The following INSR variants were observed in gnomAD, a reference collection of about 807,000 sequenced individuals.
INSR encodes IR.
In INSR, 67 loss-of-function variants were observed where a neutral mutation model predicts 142.6. That is an observed-to-expected ratio of 0.47 (90% confidence interval 0.39 to 0.58). The LOEUF (loss-of-function observed/expected upper bound fraction) is 0.58, where lower values mean the gene tolerates loss of function less well. INSR is among the 20% of genes least tolerant of loss of function. The pLI is 0.00. For synonymous variants in INSR, 756 were observed against 743.1 expected (o/e 1.02, Z -0.28); for missense variants, 1,248 against 1,833.2 (o/e 0.68, Z 5.83).
Position 7,152,887 on chromosome 19 carries a change from C to A in INSR, c.2070G>T (p.Glu690Asp). The part of the protein sequence containing the change: ...LPSRTWSPPF[E>D]SEDSQKHNQS... ...GGTTGTGCTTCTGAGAATCTTCAGA[C>A]TCGAATGGTGGAGACCAGGTCCTCG... Residue 690 changes from glutamate (E) to aspartate (D), a missense_variant, in exon 10 of 22, where the codon GAG becomes GAT. Physicochemically the swap from Glu to Asp is conservative, Grantham distance 45. Coordinates refer to ENST00000302850, the MANE Select transcript of INSR (RefSeq NM_000208.4). 1.2e-6 allele frequency: 2 copies of A among 1,612,850 alleles called. No individual in the cohort carries two copies. The highest frequency in any genetic ancestry group is 1.7e-6 in the Non-Finnish European group (2 of 1,179,884).
chr19:7,259,173 CTCCT>C (rs1374920714), intron 2 of INSR, among the ~76,000 whole-genome samples: 24 of 119,172 alleles, frequency 2.0e-4, no homozygotes, highest in African/African-American at 7.3e-4. Context: ...TCTTTCTTCC[CTCCT>C]TCCTTCCTTC....
chr19:7,217,653 A>G (rs1165047794), intron 2 of INSR, among the ~76,000 whole-genome samples: 6 of 152,078 alleles, frequency 3.9e-5, no homozygotes, highest in Non-Finnish European at 8.8e-5. Flanking sequence ...TCCGCCTCCC[A>G]GGTTCATGCC....
At chr19:7,123,948 G>T (rs753983082) in intron 17 of INSR, among the ~76,000 whole-genome samples, 3 of 152,044 alleles carry the variant, frequency 2.0e-5, no homozygotes, top group African/African-American at 4.8e-5. Context: ...TAGGCTGGGC[G>T]TGGTGGCTCA....
intron 1 of INSR, among the ~76,000 whole-genome samples, chr19:7,293,140 T>G (rs1968541557): frequency 6.6e-6 from 1 of 151,966 alleles, no homozygotes; most frequent in South Asian, 2.1e-4. Context: ...CCAATTACAA[T>G]AAATAGGGTA....
At chr19:7,201,122 T>A (rs1416251222) in intron 2 of INSR, among the ~76,000 whole-genome samples, 1 of 152,122 alleles carries the variant, frequency 6.6e-6, no homozygotes, top group Non-Finnish European at 1.5e-5. Context: ...TTTCCTGCAT[T>A]TTGAGTCCAT....
intron 1 of INSR, among the ~76,000 whole-genome samples, chr19:7,285,176 C>T (rs1489440724): frequency 2.6e-5 from 4 of 151,882 alleles, no homozygotes; most frequent in African/African-American, 7.3e-5. Flanking sequence ...TTAGGCCGGG[C>T]ACAGTGGCTC....
intron 21 of INSR, among the ~76,000 whole-genome samples, chr19:7,117,731 C>T (rs1972372060): frequency 6.6e-6 from 1 of 152,076 alleles, no homozygotes; most frequent in Admixed American, 6.6e-5. Context: ...CTTGGCCTCC[C>T]AAGTAGCTGG....
intron 2 of INSR, among the ~76,000 whole-genome samples, chr19:7,261,431 G>A (rs1189591906): frequency 2.0e-5 from 3 of 152,122 alleles, no homozygotes; most frequent in South Asian, 2.1e-4. Flanking sequence ...TGGTATCTTT[G>A]CCCCAAATCC....
chr19:7,131,852 A>T (rs1222287312), intron 14 of INSR, among the ~76,000 whole-genome samples: 1 of 151,432 alleles, frequency 6.6e-6, no homozygotes, highest in Non-Finnish European at 1.5e-5. Flanking sequence ...TACAAGAATT[A>T]GCCGGGCGTG....
At chr19:7,277,558 G>A (rs1238341752) in intron 1 of INSR, among the ~76,000 whole-genome samples, 1 of 152,180 alleles carries the variant, frequency 6.6e-6, no homozygotes, top group African/African-American at 2.4e-5. Context: ...AACATATTGG[G>A]AGGCATAGGC....
intron 1 of INSR, among the ~76,000 whole-genome samples, chr19:7,284,104 G>C (rs1968279938): frequency 6.6e-6 from 1 of 151,790 alleles, no homozygotes; most frequent in Admixed American, 6.6e-5. Context: ...TCACTCTGTT[G>C]CCCAGGCTGG....
At chr19:7,127,993 C>T (rs570343592) in intron 15 of INSR, among the ~76,000 whole-genome samples, 11 of 152,020 alleles carry the variant, frequency 7.2e-5, no homozygotes, top group African/African-American at 1.9e-4. Flanking sequence ...CCGCCCGCCT[C>T]GGCCTCCCAA....
intron 13 of INSR, 24 bp from the exon 14 acceptor site, chr19:7,132,341 G>C (rs375853001): frequency 3.6e-5 from 58 of 1,611,702 alleles, no homozygotes; most frequent in Non-Finnish European, 4.7e-5. Context: ...AGGAGGAGAA[G>C]GAGGGTGGCT....
At position 7,174,726 on chromosome 19, in the gene INSR, A is replaced by T; in HGVS notation, c.980T>A (p.Leu327Gln). Residue 327 changes from leucine to glutamine, a missense_variant, in exon 4 of 22, where the codon CTG becomes CAG. Transcript: ENST00000302850. ...ACAGGGACCCAGGCATGGGGTGCAC[A>T]GCAAGCTAAGGACGGAGCAGAGAGA... ...SGYTMNSSNL[L>Q]CTPCLGPCPK... 3 of 1,613,720 alleles carry T rather than the reference A, an allele frequency of 1.9e-6. No homozygotes were observed. The highest frequency in any genetic ancestry group is 2.2e-5 in the South Asian group (2 of 91,072).
Position 7,116,991 on chromosome 19 carries a change from A to T in INSR, c.*65T>A. On this transcript the variant is annotated 3_prime_UTR_variant, in exon 22 of 22. Coordinates refer to ENST00000302850, the MANE Select transcript of INSR (RefSeq NM_000208.4). ...GTCGTGAGAATCCTGAGTTTTCCAG[A>T]GGCTTTCAAACCAGAGGAAAGCGAA... is the stretch of plus-strand genomic sequence containing the variant. The T allele has an allele frequency of 8.3e-7, 1 of 1,208,100 alleles. No homozygotes were observed. Among genetic ancestry groups the T allele is most frequent in the Non-Finnish European group, 1.2e-6 (1 of 809,602 alleles). The allele number at this position is 1,208,100 out of a possible 1,614,324, so 74.8% of individuals were successfully genotyped here. A position where few individuals can be genotyped will look rare whatever the true frequency, so the allele number is the denominator to read the frequency against.
chr19:7,176,688 C>T (rs774794915), intron 3 of INSR, among the ~76,000 whole-genome samples: 6 of 152,136 alleles, frequency 3.9e-5, no homozygotes, highest in East Asian at 1.9e-4. Context: ...CTTTGCTTTC[C>T]GCCACGATTG....
Position 7,124,540 on chromosome 19 carries a change from GGAAAAAAAAAAAAAAAAAAAA to G in INSR, c.3258+722_3258+742del, listed in dbSNP as rs1972577452. ...CACAACAAAGCGAGACTCCGTTTCA[GGAAAAAAAAAAAAAAAAAAAA>G]AAAAAAAAAAAAAAAAAAAAAAAAA... On this transcript the variant is annotated intron_variant, in intron 17 of 21. Transcript: ENST00000302850. Among the ~76,000 whole-genome samples, 32 of 10,810 alleles carry G rather than the reference GGAAAAAAAAAAAAAAAAAAAA, an allele frequency of 3.0e-3. 4 individuals carry two copies. Among genetic ancestry groups the G allele is most frequent in the East Asian group, 9.3e-3 (2 of 214 alleles). The allele number at this position is 10,810 out of a possible 152,430, so 7.1% of individuals were successfully genotyped here.
intron 10 of INSR, chr19:7,152,378 CAAA>C (rs375635473): frequency 0.63 from 188,740 of 298,856 alleles, 50,251 homozygotes; most frequent in Non-Finnish European, 0.69. Flanking sequence ...GAGACTCTGT[CAAA>C]AAAAAAAAAA....
intron 6 of INSR, among the ~76,000 whole-genome samples, chr19:7,170,072 G>C (rs3859489): frequency 0.28 from 42,181 of 151,974 alleles, 7,972 homozygotes; most frequent in African/African-American, 0.53. Flanking sequence ...CTGTACAGCA[G>C]GAGGTGAGTG....
Sources: allele counts gnomAD v4.1 joint callset (sites outside exome capture counted in the v4.1 genomes callset), GRCh38; gene constraint gnomAD v4.1.1; transcripts MANE v1.5; gene names NCBI Gene and HGNC (gene_info 2026-07-23, HGNC 2026-07-21).